The following SLC38A1 variants were observed in gnomAD, a reference collection of about 807,000 sequenced individuals.
SLC38A1 encodes solute carrier family 38 member 1.
SLC38A1 carries 18 observed loss-of-function variants against 60.3 expected under a neutral mutation model. That is an observed-to-expected ratio of 0.30 (90% CI 0.21 to 0.44). The LOEUF (loss-of-function observed/expected upper bound fraction) is 0.44. Ranked by LOEUF, SLC38A1 falls within the 20% of genes least tolerant of loss-of-function variation. The pLI is 1.00. For missense variants in SLC38A1, 448 were observed against 587.2 expected (o/e 0.76, Z 2.45); for synonymous variants, 196 against 212.1 (o/e 0.92, Z 0.66).
In SLC38A1 at chr12:46,188,669, G is replaced by A. The variant is rs1443913736; in HGVS notation, c.*301C>T. On this transcript the variant is annotated 3_prime_UTR_variant, in exon 17 of 17. Transcript: ENST00000398637. The stretch of plus-strand genomic sequence containing the variant: ...CATGTTTTCAAAGTTCTAAGAGACC[G>A]GGAAGCCACAAAACATAGAGTTAGA... 5.5e-5 allele frequency: 13 copies of A among 237,570 alleles called. No homozygotes were observed. The highest frequency in any genetic ancestry group is 2.5e-4 in the Admixed American group (5 of 20,092). The allele number at this position is 237,570 out of a possible 1,614,324, so 14.7% of individuals were successfully genotyped here.
At position 46,268,796 on chromosome 12, in the gene SLC38A1, C is replaced by G. The variant is rs528149778; in HGVS notation, c.-479G>C. ...TCGCCTGGCTCTCCTCCTTTCCGGG[C>G]CGATTGCATCAGAATCTCCCCTCAC... On this transcript the variant is annotated 5_prime_UTR_variant, in exon 1 of 17. Transcript: ENST00000398637. This position sits in a 1 kb window ranked among gnomAD's most constrained non-coding sequence, Gnocchi z 4.4. 1 of 402,982 alleles carries G rather than the reference C, an allele frequency of 2.5e-6. No homozygotes were observed. The highest frequency in any genetic ancestry group is 2.0e-5 in the African/African-American group (1 of 48,956). 25.0% of individuals were successfully genotyped at this position (402,982 alleles called of 1,614,324 possible).
intron 1 of SLC38A1, among the ~76,000 whole-genome samples, chr12:46,256,569 A>G (rs939611841): frequency 1.3e-5 from 2 of 151,852 alleles, no homozygotes; most frequent in Non-Finnish European, 2.9e-5. Flanking sequence ...TCCCAAGGAC[A>G]TGACTGACCG....
intron 1 of SLC38A1, among the ~76,000 whole-genome samples, chr12:46,252,547 AT>A (rs1166231194): frequency 1.3e-5 from 2 of 151,834 alleles, no homozygotes; most frequent in African/African-American, 2.4e-5. Flanking sequence ...ATGCTAATTA[AT>A]TTATTTAAAA....
At chr12:46,207,838 T>C (rs1169240278) in intron 6 of SLC38A1, among the ~76,000 whole-genome samples, 1 of 152,242 alleles carries the variant, frequency 6.6e-6, no homozygotes, top group African/African-American at 2.4e-5. Context: ...CATTTCTCCT[T>C]TTTCAAGTTG....
intron 3 of SLC38A1, among the ~76,000 whole-genome samples, chr12:46,237,309 G>A (rs1334586146): frequency 6.6e-6 from 1 of 152,154 alleles, no homozygotes. Context: ...CAGGAATCAT[G>A]GACTACTAAA....
chr12:46,262,761 A>C (rs1221463439), intron 1 of SLC38A1, among the ~76,000 whole-genome samples: 4 of 152,256 alleles, frequency 2.6e-5, no homozygotes, highest in Non-Finnish European at 5.9e-5. Context: ...AGGATCATTT[A>C]TAAAAAGAAA....
intron 1 of SLC38A1, among the ~76,000 whole-genome samples, chr12:46,251,089 A>G (rs527502538): frequency 6.6e-6 from 1 of 152,358 alleles, no homozygotes; most frequent in African/African-American, 2.4e-5. Flanking sequence ...ACCTGACTTC[A>G]AACTATGCTA....
At chr12:46,246,727 T>G (rs1941632647) in intron 1 of SLC38A1, among the ~76,000 whole-genome samples, 1 of 152,200 alleles carries the variant, frequency 6.6e-6, no homozygotes, top group Non-Finnish European at 1.5e-5. Flanking sequence ...TGACCCCCGT[T>G]TAGCCTAACT....
chr12:46,255,507 C>G (rs1476210639), intron 1 of SLC38A1, among the ~76,000 whole-genome samples: 1 of 152,196 alleles, frequency 6.6e-6, no homozygotes, highest in Non-Finnish European at 1.5e-5. Context: ...TTTATTCTAT[C>G]TAACTGAAAA....
chr12:46,226,805 C>T (rs1163036680), intron 5 of SLC38A1, among the ~76,000 whole-genome samples: 3 of 151,858 alleles, frequency 2.0e-5, no homozygotes, highest in Admixed American at 6.6e-5. Context: ...TCAGTAGAGA[C>T]GGGGTTTCAC....
intron 5 of SLC38A1, among the ~76,000 whole-genome samples, chr12:46,214,058 CT>C (rs1172960827): frequency 2.0e-5 from 3 of 152,178 alleles, no homozygotes; most frequent in African/African-American, 7.2e-5. Context: ...TTTAGAAAAA[CT>C]TTGTTGGTTT....
intron 1 of SLC38A1, among the ~76,000 whole-genome samples, chr12:46,250,758 T>C (rs1941809489): frequency 6.6e-6 from 1 of 151,994 alleles, no homozygotes; most frequent in Admixed American, 6.5e-5. Flanking sequence ...ACAAAGAGAA[T>C]AAAATACCTA....
At chr12:46,234,608 C>A (rs1379102815) in intron 3 of SLC38A1, among the ~76,000 whole-genome samples, 2 of 152,020 alleles carry the variant, frequency 1.3e-5, no homozygotes, top group Non-Finnish European at 2.9e-5. Flanking sequence ...CCACCGTACC[C>A]GGCTAATTTT....
chr12:46,258,653 G>GTTTATTTA lies in SLC38A1; in HGVS notation c.-209+9865_-209+9872dup, dbSNP rs200711161. Among the ~76,000 whole-genome samples, 255 of 152,124 alleles carry GTTTATTTA rather than the reference G, an allele frequency of 1.7e-3. 1 individual carries two copies. The East Asian group carries it at 0.02, about 12-fold the overall frequency. On this transcript the variant is annotated intron_variant, in intron 1 of 16. Transcript: ENST00000398637. ...GTGGGTTTTGGACTTTTTAAAATGT[G>GTTTATTTA]TTTATTTATTTATTTATTGAGATGA... is the stretch of plus-strand genomic sequence containing the variant.
rs773971307 is a variant in SLC38A1 at position 46,203,043 on chromosome 12, G to A, written c.869C>T (p.Pro290Leu). The change falls in exon 12 of 17, where the codon CCG becomes CTG. Residue 290 changes from proline to leucine, a missense_variant. Physicochemically the swap from Pro to Leu is moderately conservative, Grantham distance 98. Coordinates refer to ENST00000398637, the MANE Select transcript of SLC38A1 (RefSeq NM_030674.4). ...CTCACTGTAAATTGGCAGGACTGACGGGTGGCAAACAAATGCAAATGCAAT... is the reference window on the plus strand; with the variant it reads ...CTCACTGTAAATTGGCAGGACTGACAGGTGGCAAACAAATGCAAATGCAAT... ...PTIAFAFVCH[P>L]SVLPIYSELK... 1 of 1,613,934 alleles carries A rather than the reference G, an allele frequency of 6.2e-7. No homozygotes were observed. Among genetic ancestry groups the A allele is most frequent in the Non-Finnish European group, 8.5e-7 (1 of 1,179,888 alleles).
At chr12:46,234,694 G>C (rs1209858852) in intron 3 of SLC38A1, among the ~76,000 whole-genome samples, 1 of 151,896 alleles carries the variant, frequency 6.6e-6, no homozygotes, top group African/African-American at 2.4e-5. Context: ...TGATCCGCCC[G>C]CCTCGGCCTC....
In SLC38A1 at chr12:46,184,509, G is replaced by A. The variant is rs755626599; in HGVS notation, c.*4461C>T. ...AGAGACTAATAGATTTTGCTCTAAG[G>A]TATAAAATCCATTATCTGATCATAT... On this transcript the variant is annotated 3_prime_UTR_variant, in exon 17 of 17. Coordinates refer to ENST00000398637, the MANE Select transcript of SLC38A1 (RefSeq NM_030674.4). 1 of 152,066 alleles carries A rather than the reference G, an allele frequency of 6.6e-6. No homozygotes were observed. The highest frequency in any genetic ancestry group is 1.5e-5 in the Non-Finnish European group (1 of 68,038). The allele number at this position is 152,066 out of a possible 1,614,324, so 9.4% of individuals were successfully genotyped here.
At chr12:46,248,131 C>T (rs145699532) in intron 1 of SLC38A1, among the ~76,000 whole-genome samples, 1,619 of 152,248 alleles carry the variant, frequency 0.011, 25 homozygotes, top group African/African-American at 0.037. Flanking sequence ...CATCAATTAA[C>T]GAGCAAAATA....
intron 1 of SLC38A1, among the ~76,000 whole-genome samples, chr12:46,250,982 G>GA (rs949135377): frequency 6.0e-4 from 91 of 151,532 alleles, no homozygotes; most frequent in East Asian, 9.7e-4. Flanking sequence ...CACAGAATTG[G>GA]AAAAAAAACT....
Sources: gnomAD v4.1 joint callset for allele counts (sites outside exome capture counted in the v4.1 genomes callset) on GRCh38, gnomAD v4.1.1 for gene constraint, Gnocchi (gnomAD v3.1) non-coding constraint, MANE v1.5 for transcripts, NCBI Gene and HGNC (gene_info 2026-07-23, HGNC 2026-07-21) for gene names.